Variants in SH2D4B observed in about 807,000 individuals in gnomAD.
SH2D4B encodes the protein SH2 domain containing 4B, also known as SH2 domain-containing protein 4B.
In SH2D4B, 45 loss-of-function variants were observed where a neutral mutation model predicts 61.5. That is an observed-to-expected ratio of 0.73 (90% CI 0.58 to 0.94). The LOEUF is 0.94. Ranked by LOEUF, SH2D4B falls within the 40% of genes least tolerant of loss-of-function variation. The pLI, the probability that SH2D4B is intolerant of heterozygous loss-of-function variation, is 0.00. For synonymous variants in SH2D4B, 224 were observed against 220.4 expected, an observed-to-expected ratio of 1.02 and a Z score of -0.14; for missense variants, 572 against 574.2, an observed-to-expected ratio of 1.00 and a Z score of 0.04.
intron 3 of SH2D4B, among the ~76,000 whole-genome samples, chr10:80,572,984 A>ATTTTTTTTTT (rs1283153702): frequency 2.7e-3 from 22 of 8,290 alleles, no homozygotes; most frequent in Non-Finnish European, 3.8e-3. Context: ...ATATATATAT[A>ATTTTTTTTTT]TATTTTTTTT....
chr10:80,646,053 G>C lies in SH2D4B; in HGVS notation c.*1968G>C, dbSNP rs1051377679. On this transcript the variant is annotated 3_prime_UTR_variant, in exon 8 of 8. Coordinates refer to ENST00000646907, the MANE Select transcript of SH2D4B (RefSeq NM_001388272.1). ...ATTTAACTTCAGTAAACCTCGGTAT[G>C]ACTGAAAAGGGAGTTTTCTGTATGG... is the stretch of plus-strand genomic sequence containing the variant. 12 of 152,606 alleles carry C rather than the reference G, an allele frequency of 7.9e-5. No individual in the cohort carries two copies. Among genetic ancestry groups the C allele is most frequent in the Admixed American group, 2.0e-4 (3 of 15,280 alleles). 9.5% of individuals were successfully genotyped at this position (152,606 alleles called of 1,614,324 possible). A position where few individuals can be genotyped will look rare whatever the true frequency, so the allele number is the denominator to read the frequency against.
At chr10:80,563,904 T>G (rs1169465255) in intron 1 of SH2D4B, among the ~76,000 whole-genome samples, 1 of 152,242 alleles carries the variant, frequency 6.6e-6, no homozygotes, top group African/African-American at 2.4e-5. Context: ...TTCATAGGGC[T>G]TATTTCTCTT....
chr10:80,541,034 G>T, intron 1 of SH2D4B: 1 of 878,966 alleles, frequency 1.1e-6, no homozygotes, highest in South Asian at 1.4e-5. Context: ...AACTGTTAGT[G>T]AGAAGCGAAA....
intron 6 of SH2D4B, among the ~76,000 whole-genome samples, chr10:80,625,491 G>A (rs1321455779): frequency 6.6e-6 from 1 of 151,782 alleles, no homozygotes; most frequent in Admixed American, 6.6e-5. Flanking sequence ...GTAAATAGTT[G>A]TAATGTATTC....
In SH2D4B at chr10:80,646,493, A is replaced by G. The variant is rs1388272238; in HGVS notation, c.*2408A>G. The G allele has an allele frequency of 6.6e-6, 1 of 152,196 alleles. No homozygotes were observed. The highest frequency in any genetic ancestry group is 6.5e-5 in the Admixed American group (1 of 15,288). The allele number at this position is 152,196 out of a possible 1,614,324, so 9.4% of individuals were successfully genotyped here. A position where few individuals can be genotyped will look rare whatever the true frequency, so the allele number is the denominator to read the frequency against. On this transcript the variant is annotated 3_prime_UTR_variant, in exon 8 of 8. Transcript: ENST00000646907. The stretch of plus-strand genomic sequence containing the variant: ...TGTAAGTTGTCCTGCAAATGAAATT[A>G]CTGTCTGGAAAACTGCAATTTCATC...
At position 80,645,759 on chromosome 10, in the gene SH2D4B, T is replaced by TG. The variant is rs1176217459; in HGVS notation, c.*1678dup. On this transcript the variant is annotated 3_prime_UTR_variant, in exon 8 of 8. Transcript: ENST00000646907. The stretch of plus-strand genomic sequence containing the variant: ...AGCTTTTGCCACAGGCTCTGTCTTT[T>TG]GGGGAATCCAGGATAAGAACCCATT... 2.0e-5 allele frequency: 3 copies of TG among 152,218 alleles called. No homozygotes were observed. Among genetic ancestry groups the TG allele is most frequent in the African/African-American group, 7.2e-5 (3 of 41,454 alleles). 9.4% of individuals were successfully genotyped at this position (152,218 alleles called of 1,614,324 possible).
At chr10:80,587,195 G>C (rs1842268839) in intron 3 of SH2D4B, among the ~76,000 whole-genome samples, 1 of 142,802 alleles carries the variant, frequency 7.0e-6, no homozygotes, top group East Asian at 2.1e-4. Flanking sequence ...GAGTGCAGTG[G>C]CGCGATCTCG....
intron 7 of SH2D4B, among the ~76,000 whole-genome samples, chr10:80,637,159 G>C (rs1840196770): frequency 2.0e-5 from 3 of 152,046 alleles, no homozygotes; most frequent in African/African-American, 7.2e-5. Flanking sequence ...TCTCTGTTTT[G>C]GTACCAGTAC....
intron 5 of SH2D4B, among the ~76,000 whole-genome samples, chr10:80,605,561 C>G (rs1463026571): frequency 2.6e-5 from 4 of 152,168 alleles, no homozygotes; most frequent in African/African-American, 9.7e-5. Flanking sequence ...GTCTCCCAGG[C>G]TGAAGTATAA....
chr10:80,595,357 C>T (rs553522507), intron 4 of SH2D4B, among the ~76,000 whole-genome samples: 20 of 152,336 alleles, frequency 1.3e-4, no homozygotes, highest in African/African-American at 4.8e-4. Context: ...TGTCTTTGCT[C>T]TCCAAGCTCC....
intron 6 of SH2D4B, among the ~76,000 whole-genome samples, chr10:80,632,397 T>C (rs1183940569): frequency 6.6e-6 from 1 of 152,228 alleles, no homozygotes; most frequent in Non-Finnish European, 1.5e-5. Flanking sequence ...ATATAATTTT[T>C]ATTCATCAAT....
intron 6 of SH2D4B, among the ~76,000 whole-genome samples, chr10:80,623,864 A>G (rs956801487): frequency 3.9e-5 from 6 of 152,138 alleles, no homozygotes; most frequent in Admixed American, 2.0e-4. Context: ...AATTTCACTG[A>G]TCTACTCCCC....
At chr10:80,629,486 C>T (rs1405929858) in intron 6 of SH2D4B, among the ~76,000 whole-genome samples, 3 of 152,204 alleles carry the variant, frequency 2.0e-5, no homozygotes, top group Non-Finnish European at 2.9e-5. Context: ...CCTAGACAGT[C>T]TCCCAGAAAT....
rs1373048312 is a variant in SH2D4B at position 80,617,171 on chromosome 10, G to A, written c.988+7620G>A. 3.9e-5 allele frequency among the ~76,000 whole-genome samples: 6 copies of A among 152,192 alleles called. No homozygotes were observed. The East Asian group carries it at 7.7e-4, about 20-fold the overall frequency. ...GGGGAAGGTTCAGTAGCTGCTCCAG[G>A]GCACACGGTGCTCTGGGGAATCAGT... On this transcript the variant is annotated intron_variant, in intron 6 of 7. Coordinates refer to ENST00000646907, the MANE Select transcript of SH2D4B (RefSeq NM_001388272.1).
Position 80,572,962 on chromosome 10 carries a change from ATATATATATATATATATATATATATTTT to A in SH2D4B, c.495+1386_495+1413del, listed in dbSNP as rs1387813305. Among the ~76,000 whole-genome samples the A allele has an allele frequency of 8.2e-3, 94 of 11,422 alleles. 2 individuals carry two copies. The highest frequency in any genetic ancestry group is 0.013 in the African/African-American group (35 of 2,614). 7.5% of individuals were successfully genotyped at this position (11,422 alleles called of 152,430 possible). Reference sequence around the variant, plus strand: ...ATGTTGCAAATATATATATATATATATATATATATATATATATATATATATTTTTTTTTTTTTTTTTTTTTTTTTTTTT... The same window carrying A: ...ATGTTGCAAATATATATATATATATATTTTTTTTTTTTTTTTTTTTTTTTT... On this transcript the variant is annotated intron_variant, in intron 3 of 7. Transcript: ENST00000646907.
chr10:80,572,477 C>A (rs1220344744), intron 3 of SH2D4B, among the ~76,000 whole-genome samples: 1 of 152,010 alleles, frequency 6.6e-6, no homozygotes, highest in East Asian at 1.9e-4. Flanking sequence ...GAGTTGTTAA[C>A]GTGTGTGCAG....
At chr10:80,581,774 G>C (rs910099319) in intron 3 of SH2D4B, among the ~76,000 whole-genome samples, 4 of 152,338 alleles carry the variant, frequency 2.6e-5, no homozygotes, top group Middle Eastern at 3.4e-3. Flanking sequence ...ATCTGCACAA[G>C]GAAGTGGCAG....
At position 80,603,750 on chromosome 10, in the gene SH2D4B, A is replaced by G. The variant is rs762432150; in HGVS notation, c.815A>G (p.His272Arg). ...GAGCAGGAGGCAAGACTCTACCACC[A>G]CCTCCCCGACCCGGGTCTGCCGCAG... Reference protein sequence around the residue: ...SHEQEARLYHHLPDPGLPQPL... With the variant: ...SHEQEARLYHRLPDPGLPQPL... Residue 272 changes from histidine (H) to arginine (R), a missense_variant, in exon 5 of 8, where the codon CAC (histidine) becomes CGC (arginine). Coordinates refer to ENST00000646907, the MANE Select transcript of SH2D4B (RefSeq NM_001388272.1). The G allele has an allele frequency of 1.2e-6, 2 of 1,609,938 alleles. No homozygotes were observed. Among genetic ancestry groups the G allele is most frequent in the East Asian group, 4.5e-5 (2 of 44,718 alleles).
At chr10:80,542,471 C>A (rs1333809474) in intron 1 of SH2D4B, among the ~76,000 whole-genome samples, 1 of 141,358 alleles carries the variant, frequency 7.1e-6, no homozygotes, top group Non-Finnish European at 1.6e-5. Context: ...GATCTCGGCT[C>A]ACTGCTACTT....
Sources: allele counts gnomAD v4.1 joint callset (sites outside exome capture counted in the v4.1 genomes callset), GRCh38; gene constraint gnomAD v4.1.1; transcripts MANE v1.5; gene names NCBI Gene and HGNC (gene_info 2026-07-23, HGNC 2026-07-21).